PRR16: variants seen among roughly 807,000 people sequenced by gnomAD.
PRR16 encodes the protein protein Largen.
Under a neutral mutation model 18.2 loss-of-function variants are expected in PRR16, and 6 were observed. The ratio of observed to expected loss-of-function variants is 0.33; its 90% confidence interval spans 0.18 to 0.65. PRR16 has a LOEUF of 0.65. Among genes scored for constraint, PRR16 ranks in the 30% least tolerant of loss-of-function variants. The pLI is 0.74. For missense variants in PRR16, 412 were observed against 376.6 expected, an observed-to-expected ratio of 1.09 and a Z score of -0.78; for synonymous variants, 151 against 147.8, an observed-to-expected ratio of 1.02 and a Z score of -0.16.
chr5:120,663,627 C>T (rs1338256670), intron 1 of PRR16, among the ~76,000 whole-genome samples: 1 of 152,144 alleles, frequency 6.6e-6, no homozygotes, highest in Non-Finnish European at 1.5e-5. Flanking sequence ...AGCTAAAACA[C>T]TTGAAGTTAA....
At chr5:120,542,923 A>G (rs559750879) in intron 1 of PRR16, among the ~76,000 whole-genome samples, 4 of 152,150 alleles carry the variant, frequency 2.6e-5, no homozygotes, top group African/African-American at 9.7e-5. Context: ...TGATTATTCA[A>G]TGTGTGGTTT....
At chr5:120,592,910 CA>C (rs1346738694) in intron 1 of PRR16, among the ~76,000 whole-genome samples, 2 of 152,042 alleles carry the variant, frequency 1.3e-5, no homozygotes, top group African/African-American at 4.8e-5. Flanking sequence ...TAACAGATTA[CA>C]AAAACCTAAG....
chr5:120,640,502 T>A (rs1755387160), intron 1 of PRR16, among the ~76,000 whole-genome samples: 1 of 152,150 alleles, frequency 6.6e-6, no homozygotes, highest in Non-Finnish European at 1.5e-5. Context: ...AGTCTTGTAA[T>A]TCACCATCAG....
intron 1 of PRR16, among the ~76,000 whole-genome samples, chr5:120,682,987 CCTGA>C (rs893308541): frequency 3.9e-5 from 6 of 152,170 alleles, no homozygotes; most frequent in East Asian, 1.9e-4. Flanking sequence ...TCAGAGTTAA[CCTGA>C]CTAAGAGAAG....
chr5:120,658,683 T>A (rs1283539318), intron 1 of PRR16, among the ~76,000 whole-genome samples: 1 of 151,884 alleles, frequency 6.6e-6, no homozygotes, highest in African/African-American at 2.4e-5. Context: ...GACATAAAGA[T>A]AAAATTTATA....
chr5:120,670,433 C>G (rs989012808), intron 1 of PRR16, among the ~76,000 whole-genome samples: 1 of 152,056 alleles, frequency 6.6e-6, no homozygotes, highest in African/African-American at 2.4e-5. Flanking sequence ...ATGATGTAGA[C>G]TTTCATTGTT....
At chr5:120,670,282 T>C (rs1756553547) in intron 1 of PRR16, among the ~76,000 whole-genome samples, 1 of 152,134 alleles carries the variant, frequency 6.6e-6, no homozygotes, top group Admixed American at 6.6e-5. Context: ...GAATGGCTTT[T>C]GCTATGGATC....
chr5:120,615,389 T>C (rs1000017148), intron 1 of PRR16, among the ~76,000 whole-genome samples: 7 of 150,150 alleles, frequency 4.7e-5, no homozygotes, highest in African/African-American at 1.5e-4. Context: ...CTTTTCTTTT[T>C]TTTTTTTTTT....
intron 1 of PRR16, among the ~76,000 whole-genome samples, chr5:120,670,786 G>C (rs1444931455): frequency 6.6e-6 from 1 of 152,142 alleles, no homozygotes; most frequent in Non-Finnish European, 1.5e-5. Flanking sequence ...ATATTCCAAA[G>C]ATGGGCTTTA....
chr5:120,645,631 T>A (rs1239101740), intron 1 of PRR16, among the ~76,000 whole-genome samples: 1 of 151,908 alleles, frequency 6.6e-6, no homozygotes, highest in Admixed American at 6.6e-5. Context: ...AAAAAGAAAA[T>A]GTTTGAAGTT....
intron 1 of PRR16, among the ~76,000 whole-genome samples, chr5:120,524,392 A>G (rs539075323): frequency 6.6e-6 from 1 of 152,300 alleles, no homozygotes; most frequent in Non-Finnish European, 1.5e-5. Context: ...ACAAGCTACA[A>G]AATTCAGTAT....
chr5:120,673,620 G>T (rs1756690819), intron 1 of PRR16, among the ~76,000 whole-genome samples: 1 of 151,906 alleles, frequency 6.6e-6, no homozygotes, highest in African/African-American at 2.4e-5. Flanking sequence ...CTATGCTATG[G>T]CTATAAAATA....
the PRR16 span, among the ~76,000 whole-genome samples, chr5:120,750,519 T>C: frequency 1.3e-5 from 2 of 151,556 alleles, no homozygotes; most frequent in East Asian, 1.9e-4. Context: ...AAACAAAAAT[T>C]AGCCCAGTGT....
chr5:120,503,174 A>T (rs1256851846), intron 1 of PRR16, among the ~76,000 whole-genome samples: 1 of 152,182 alleles, frequency 6.6e-6, no homozygotes, highest in Non-Finnish European at 1.5e-5. Flanking sequence ...TGTAAATATC[A>T]TTAAAAAATC....
the PRR16 span, among the ~76,000 whole-genome samples, chr5:120,716,718 T>C: frequency 6.6e-6 from 1 of 151,882 alleles, no homozygotes; most frequent in South Asian, 2.1e-4. Flanking sequence ...CTTCTAAAAA[T>C]ACAAAAATCT....
chr5:120,644,602 C>T (rs62377787), intron 1 of PRR16, among the ~76,000 whole-genome samples: 53,421 of 151,902 alleles, frequency 0.35, 9,890 homozygotes, highest in Middle Eastern at 0.47. Context: ...TATTTCCACT[C>T]AATCTTGCCT....
At chr5:120,714,198 ATAT>A in the PRR16 span, among the ~76,000 whole-genome samples, 1 of 152,174 alleles carries the variant, frequency 6.6e-6, no homozygotes, top group Non-Finnish European at 1.5e-5. Flanking sequence ...TTGATAATTA[ATAT>A]TGAGCAATTT....
At chr5:120,638,194 AT>A (rs1308380234) in intron 1 of PRR16, among the ~76,000 whole-genome samples, 3 of 151,998 alleles carry the variant, frequency 2.0e-5, no homozygotes, top group Non-Finnish European at 4.4e-5. Context: ...CAGGTGTAGA[AT>A]TTTCCGCTTG....
At chr5:120,738,802 A>G in the PRR16 span, among the ~76,000 whole-genome samples, 3 of 152,156 alleles carry the variant, frequency 2.0e-5, no homozygotes, top group Non-Finnish European at 4.4e-5. Flanking sequence ...AGATAGCTCC[A>G]TACTGCAAGA....
Sources: gnomAD v4.1 joint callset for allele counts (sites outside exome capture counted in the v4.1 genomes callset) on GRCh38, gnomAD v4.1.1 for gene constraint, MANE v1.5 for transcripts, NCBI Gene and HGNC (gene_info 2026-07-23, HGNC 2026-07-21) for gene names.